Variants in GNPNAT1 observed in about 807,000 individuals in gnomAD.
GNPNAT1 encodes the protein glucosamine 6-phosphate N-acetyltransferase.
GNPNAT1 carries 11 observed loss-of-function variants against 19.8 expected under a neutral mutation model. That is an observed-to-expected ratio of 0.56 (90% CI 0.35 to 0.92). GNPNAT1 has a LOEUF of 0.92. Ranked by LOEUF, GNPNAT1 falls within the 40% of genes least tolerant of loss-of-function variation. GNPNAT1 has a pLI of 0.01. For missense variants in GNPNAT1, 157 were observed against 211.0 expected (o/e 0.74, Z 1.59); for synonymous variants, 71 against 72.3 (o/e 0.98, Z 0.09).
At position 52,778,259 on chromosome 14, in the gene GNPNAT1, A is replaced by AACT; in HGVS notation, c.*51_*52insAGT. 1 of 1,376,036 alleles carries AACT rather than the reference A, an allele frequency of 7.3e-7. No homozygotes were observed. The highest frequency in any genetic ancestry group is 1.5e-5 in the South Asian group (1 of 65,996). 85.2% of individuals were successfully genotyped at this position (1,376,036 alleles called of 1,614,324 possible). A position where few individuals can be genotyped will look rare whatever the true frequency, so the allele number is the denominator to read the frequency against. On this transcript the variant is annotated 3_prime_UTR_variant, in exon 6 of 6. Coordinates refer to ENST00000216410, the MANE Select transcript of GNPNAT1 (RefSeq NM_198066.4). ...AGCAACAAAATATTTCAACTCTAGG[A>AACT]AGAGTGTAGCCTTGTAGCATTAGCC...
At chr14:52,779,184 A>G (rs1882819054) in intron 5 of GNPNAT1, among the ~76,000 whole-genome samples, 1 of 152,214 alleles carries the variant, frequency 6.6e-6, no homozygotes, top group Non-Finnish European at 1.5e-5. Flanking sequence ...TTTGCTCTTT[A>G]ATCATTTTTA....
At position 52,778,436 on chromosome 14, in the gene GNPNAT1, G is replaced by A; in HGVS notation, c.430C>T (p.Leu144=). ...TTGTAACAGTTCAGTTTCTTGCTTAGCAAAGTAAGGGTTGATAATAACCTG... is the reference window on the plus strand; with the variant it reads ...TTGTAACAGTTCAGTTTCTTGCTTAACAAAGTAAGGGTTGATAATAACCTG... ...GKLLLSTLTL[L]SKKLNCYKIT... is the part of the protein sequence containing the mutation. Residue 144 remains leucine, a synonymous_variant, in exon 6 of 6, where the codon CTA becomes TTA. Coordinates refer to ENST00000216410, the MANE Select transcript of GNPNAT1 (RefSeq NM_198066.4). 3 of 1,607,792 alleles carry A rather than the reference G, an allele frequency of 1.9e-6. No homozygotes were observed. Among genetic ancestry groups the A allele is most frequent in the Non-Finnish European group, 2.5e-6 (3 of 1,178,106 alleles).
At position 52,775,974 on chromosome 14, in the gene GNPNAT1, T is replaced by TA. The variant is rs1488808400; in HGVS notation, c.*2336dup. ...GGGAGGATCACTTGAGCCTAGGAGTTAAGAGACCAGCCTGGGCAACATAGA... is the reference window on the plus strand; with the variant it reads ...GGGAGGATCACTTGAGCCTAGGAGTTAAAGAGACCAGCCTGGGCAACATAGA... On this transcript the variant is annotated 3_prime_UTR_variant, in exon 6 of 6. Coordinates refer to ENST00000216410, the MANE Select transcript of GNPNAT1 (RefSeq NM_198066.4). 1 of 152,338 alleles carries TA rather than the reference T, an allele frequency of 6.6e-6. No individual in the cohort carries two copies. Among genetic ancestry groups the TA allele is most frequent in the East Asian group, 1.9e-4 (1 of 5,182 alleles). The allele number at this position is 152,338 out of a possible 1,614,324, so 9.4% of individuals were successfully genotyped here.
At chr14:52,790,014 C>G (rs2139977080) in intron 1 of GNPNAT1, among the ~76,000 whole-genome samples, 1 of 150,126 alleles carries the variant, frequency 6.7e-6, no homozygotes, top group African/African-American at 2.5e-5. Context: ...AAAAAATTCC[C>G]AAACTGCCAC....
intron 4 of GNPNAT1, among the ~76,000 whole-genome samples, chr14:52,781,508 G>GT (rs897953093): frequency 4.0e-5 from 6 of 151,816 alleles, no homozygotes; most frequent in East Asian, 1.9e-4. Flanking sequence ...ATTCAGAGTT[G>GT]TTTTTTTTAA....
intron 2 of GNPNAT1, 130 bp from the exon 3 acceptor site, chr14:52,783,615 TTAGAA>T (rs1473335619): frequency 3.6e-5 from 23 of 633,882 alleles, no homozygotes; most frequent in Non-Finnish European, 5.6e-5. Context: ...CTTTTAATTA[TTAGAA>T]TAAAGTGAAC....
intron 2 of GNPNAT1, 48 bp downstream of exon 2, chr14:52,784,449 G>C (rs546148174): frequency 7.0e-7 from 1 of 1,419,574 alleles, no homozygotes; most frequent in Non-Finnish European, 9.3e-7. Context: ...AATGTTTAGA[G>C]AAAAATGGAA....
intron 5 of GNPNAT1, 48 bp downstream of exon 5, chr14:52,780,631 A>G: frequency 1.6e-6 from 2 of 1,235,400 alleles, no homozygotes; most frequent in Non-Finnish European, 2.4e-6. Flanking sequence ...TTAAGAAACT[A>G]AATTGGAACA....
chr14:52,779,141 C>T (rs1486252439), intron 5 of GNPNAT1, among the ~76,000 whole-genome samples: 2 of 152,120 alleles, frequency 1.3e-5, no homozygotes, highest in South Asian at 2.1e-4. Flanking sequence ...TCGGAGCAGT[C>T]GACATACCCA....
chr14:52,778,547 T>C, intron 5 of GNPNAT1, 89 bp from the exon 6 acceptor site: 1 of 1,135,394 alleles, frequency 8.8e-7, no homozygotes, highest in Non-Finnish European at 1.3e-6. Flanking sequence ...GTTATAAAAC[T>C]TAAGTTTCCT....
At chr14:52,781,710 G>A in intron 4 of GNPNAT1, 74 bp downstream of exon 4, 1 of 1,388,774 alleles carries the variant, frequency 7.2e-7, no homozygotes, top group Non-Finnish European at 9.8e-7. Context: ...TGAGAAAACA[G>A]ATTTGTCTAA....
intron 3 of GNPNAT1, 87 bp from the exon 4 acceptor site, chr14:52,781,998 T>G (rs887755224): frequency 8.5e-7 from 1 of 1,176,862 alleles, no homozygotes; most frequent in Non-Finnish European, 1.2e-6. Flanking sequence ...CTGACTTAAT[T>G]ACTAAATGTT....
intron 1 of GNPNAT1, among the ~76,000 whole-genome samples, chr14:52,788,352 T>C (rs1305346905): frequency 2.0e-5 from 3 of 152,202 alleles, no homozygotes; most frequent in Non-Finnish European, 4.4e-5. Flanking sequence ...AAGGCTGGTC[T>C]TGAACTCCTG....
intron 1 of GNPNAT1, chr14:52,787,760 C>T (rs1461562154): frequency 6.6e-6 from 1 of 151,970 alleles, no homozygotes; most frequent in Admixed American, 6.6e-5. Context: ...ACTGCAAGTA[C>T]TTAATAAGAT....
chr14:52,780,877 T>A, intron 4 of GNPNAT1, 137 bp from the exon 5 acceptor site: 1 of 572,572 alleles, frequency 1.7e-6, no homozygotes, highest in Non-Finnish European at 3.1e-6. Flanking sequence ...CAAAAAATAT[T>A]ATACAGTGAA....
chr14:52,783,068 T>C (rs1220820455), intron 3 of GNPNAT1, among the ~76,000 whole-genome samples: 1 of 151,968 alleles, frequency 6.6e-6, no homozygotes, highest in Non-Finnish European at 1.5e-5. Flanking sequence ...AACCCCAAAA[T>C]AAATTTAAAG....
intron 1 of GNPNAT1, chr14:52,787,973 C>T (rs901327330): frequency 2.0e-5 from 3 of 151,918 alleles, no homozygotes; most frequent in Non-Finnish European, 4.4e-5. Flanking sequence ...TGAGAGGTCC[C>T]CCCAGCCACA....
Position 52,777,699 on chromosome 14 carries a change from A to G in GNPNAT1, c.*612T>C, listed in dbSNP as rs969587239. On this transcript the variant is annotated 3_prime_UTR_variant, in exon 6 of 6. Transcript: ENST00000216410. ...GACTATACTATATAAACTTTCAGTAAAACATTTAAATTGTTTTACTTTTAA... is the reference window on the plus strand; with the variant it reads ...GACTATACTATATAAACTTTCAGTAGAACATTTAAATTGTTTTACTTTTAA... 12 of 152,200 alleles carry G rather than the reference A, an allele frequency of 7.9e-5. No individual in the cohort carries two copies. Among genetic ancestry groups the G allele is most frequent in the Admixed American group, 2.0e-4 (3 of 15,276 alleles). The allele number at this position is 152,200 out of a possible 1,614,324, so 9.4% of individuals were successfully genotyped here.
At chr14:52,781,949 A>AT (rs749259680) in intron 3 of GNPNAT1, 38 bp from the exon 4 acceptor site, 54 of 1,535,822 alleles carry the variant, frequency 3.5e-5, no homozygotes, top group Non-Finnish European at 4.6e-5. Context: ...CATAGTAGAC[A>AT]TTCAATTTTA....
Sources: allele counts gnomAD v4.1 joint callset (sites outside exome capture counted in the v4.1 genomes callset), GRCh38; gene constraint gnomAD v4.1.1; transcripts MANE v1.5; gene names NCBI Gene and HGNC (gene_info 2026-07-23, HGNC 2026-07-21).